Variants in BTBD7 observed in about 807,000 individuals in gnomAD.
The protein encoded by BTBD7 is BTB domain containing 7, also known as BTB/POZ domain-containing protein 7.
BTBD7 carries 38 observed loss-of-function variants against 99.9 expected under a neutral mutation model. That is an observed-to-expected ratio of 0.38 (90% CI 0.29 to 0.50). The LOEUF (loss-of-function observed/expected upper bound fraction) is 0.50. BTBD7 is among the 20% of genes least tolerant of loss of function. The pLI, the probability that BTBD7 is intolerant of heterozygous loss-of-function variation, is 0.93. For synonymous variants in BTBD7, 520 were observed against 511.4 expected (o/e 1.02, Z -0.23); for missense variants, 1,170 against 1,394.6 (o/e 0.84, Z 2.57).
intron 3 of BTBD7, among the ~76,000 whole-genome samples, chr14:93,290,192 C>A (rs968166271): frequency 4.6e-5 from 7 of 151,386 alleles, no homozygotes; most frequent in Non-Finnish European, 8.8e-5. Flanking sequence ...ACCACTCTAG[C>A]TGTCTGCCAA....
At chr14:93,287,173 G>A (rs552761399) in intron 3 of BTBD7, among the ~76,000 whole-genome samples, 1 of 150,364 alleles carries the variant, frequency 6.7e-6, no homozygotes, top group South Asian at 2.1e-4. Context: ...AGGTTGCAAT[G>A]AGCCAAGATT....
chr14:93,304,746 T>G (rs2053050701), intron 1 of BTBD7, among the ~76,000 whole-genome samples: 1 of 152,214 alleles, frequency 6.6e-6, no homozygotes, highest in African/African-American at 2.4e-5. Flanking sequence ...AAAATGCAAT[T>G]TCTCCTAAAT....
intron 1 of BTBD7, among the ~76,000 whole-genome samples, chr14:93,298,951 T>C (rs2052961460): frequency 6.6e-6 from 1 of 152,100 alleles, no homozygotes; most frequent in Non-Finnish European, 1.5e-5. Flanking sequence ...CTTAGAGAGG[T>C]GGCCAGAAAT....
At chr14:93,316,527 G>A (rs2053208591) in intron 1 of BTBD7, among the ~76,000 whole-genome samples, 1 of 152,154 alleles carries the variant, frequency 6.6e-6, no homozygotes, top group Non-Finnish European at 1.5e-5. Context: ...AGGATTACAG[G>A]TGTGAGCCAC....
chr14:93,270,874 T>C (rs2139720667), intron 3 of BTBD7, among the ~76,000 whole-genome samples: 1 of 152,334 alleles, frequency 6.6e-6, no homozygotes, highest in South Asian at 2.1e-4. Context: ...CTTTTGCTTG[T>C]GTGATAACCA....
intron 3 of BTBD7, among the ~76,000 whole-genome samples, chr14:93,265,321 G>A (rs890087147): frequency 2.0e-5 from 3 of 152,190 alleles, no homozygotes; most frequent in African/African-American, 7.2e-5. Context: ...GCTACCAGAT[G>A]AGGAGAAATA....
At position 93,242,758 on chromosome 14, in the gene BTBD7, A is replaced by G. The variant is rs750647400; in HGVS notation, c.2914T>C (p.Tyr972His). The change falls in exon 11 of 11, where the codon TAT becomes CAT. Residue 972 changes from tyrosine to histidine, a missense_variant. By Grantham distance (83) the Tyr-to-His change is moderately conservative (BLOSUM62 2). Coordinates refer to ENST00000334746, the MANE Select transcript of BTBD7 (RefSeq NM_001002860.4). ...TGGCTGTACAGATCGGGACCAAAAT[A>G]TCCACCTTGCGAAGGGGAAGGGGTG... is the stretch of plus-strand genomic sequence containing the variant. ...RRTPSPSQGGYFGPDLYSHNK... is the reference protein window; with the variant it reads ...RRTPSPSQGGHFGPDLYSHNK... The G allele has an allele frequency of 3.7e-6, 6 of 1,614,184 alleles. No homozygotes were observed. The highest frequency in any genetic ancestry group is 1.7e-5 in the Admixed American group (1 of 60,012).
intron 1 of BTBD7, among the ~76,000 whole-genome samples, chr14:93,322,373 C>T (rs1277967771): frequency 6.6e-6 from 1 of 152,126 alleles, no homozygotes; most frequent in Non-Finnish European, 1.5e-5. Flanking sequence ...TTTGCCTTGG[C>T]CTCCTAAAGT....
At chr14:93,288,480 A>C (rs1458939896) in intron 3 of BTBD7, 2 of 732,932 alleles carry the variant, frequency 2.7e-6, no homozygotes, top group Non-Finnish European at 5.0e-6. Context: ...TTCCATAAAA[A>C]GTTCTTTTAT....
intron 3 of BTBD7, among the ~76,000 whole-genome samples, chr14:93,286,592 G>A (rs2052780469): frequency 6.6e-6 from 1 of 152,120 alleles, no homozygotes; most frequent in Non-Finnish European, 1.5e-5. Context: ...CCTAAGAGTA[G>A]GCCACAGCCT....
At chr14:93,269,876 G>A (rs1440204104) in intron 3 of BTBD7, among the ~76,000 whole-genome samples, 1 of 152,128 alleles carries the variant, frequency 6.6e-6, no homozygotes, top group Non-Finnish European at 1.5e-5. Context: ...GTCCCAGGAG[G>A]AGAATGGGCA....
chr14:93,295,271 T>C (rs2052911191), intron 2 of BTBD7, among the ~76,000 whole-genome samples: 1 of 152,066 alleles, frequency 6.6e-6, no homozygotes, highest in African/African-American at 2.4e-5. Flanking sequence ...CCACCATGCC[T>C]GGCTAATTAA....
chr14:93,314,283 A>G (rs577860138), intron 1 of BTBD7, among the ~76,000 whole-genome samples: 1 of 152,332 alleles, frequency 6.6e-6, no homozygotes, highest in Non-Finnish European at 1.5e-5. Context: ...AGAAATCATT[A>G]AAAGAGATAC....
At chr14:93,293,139 T>C (rs1203596979) in intron 3 of BTBD7, among the ~76,000 whole-genome samples, 3 of 152,226 alleles carry the variant, frequency 2.0e-5, no homozygotes, top group East Asian at 1.9e-4. Flanking sequence ...AAAGGTCTCT[T>C]TCCAGCTCTG....
chr14:93,263,258 A>G (rs1464869981), intron 4 of BTBD7, among the ~76,000 whole-genome samples: 2 of 152,254 alleles, frequency 1.3e-5, no homozygotes, highest in Non-Finnish European at 2.9e-5. Flanking sequence ...TTGACATTTA[A>G]GTCAAGAACA....
chr14:93,257,166 G>C (rs773909681), intron 6 of BTBD7, 29 bp downstream of exon 6: 47 of 1,596,350 alleles, frequency 2.9e-5, no homozygotes, highest in Non-Finnish European at 3.8e-5. Context: ...TTCTTTTCAT[G>C]AAAGGAATAC....
chr14:93,287,501 ATTAT>A (rs1347127745), intron 3 of BTBD7: 2 of 152,102 alleles, frequency 1.3e-5, no homozygotes, highest in Admixed American at 6.5e-5. Flanking sequence ...GTGTACTAAA[ATTAT>A]TTATTCTTTC....
At chr14:93,284,387 T>C (rs1383453428) in intron 3 of BTBD7, among the ~76,000 whole-genome samples, 2 of 152,134 alleles carry the variant, frequency 1.3e-5, no homozygotes, top group Non-Finnish European at 2.9e-5. Context: ...ATTCTGGGGT[T>C]AAGTGCTTTC....
chr14:93,259,481 C>T (rs1462010355), intron 5 of BTBD7, among the ~76,000 whole-genome samples: 1 of 152,190 alleles, frequency 6.6e-6, no homozygotes, highest in Non-Finnish European at 1.5e-5. Flanking sequence ...TAGAACTCAG[C>T]TGGGAATGTG....
Sources: allele counts gnomAD v4.1 joint callset (sites outside exome capture counted in the v4.1 genomes callset), GRCh38; gene constraint gnomAD v4.1.1; transcripts MANE v1.5; gene names NCBI Gene and HGNC (gene_info 2026-07-23, HGNC 2026-07-21).